ACSM2A: variants seen among roughly 807,000 people sequenced by gnomAD.
ACSM2A encodes the protein acyl-coenzyme A synthetase ACSM2A, mitochondrial.
In ACSM2A, 72 loss-of-function variants were observed where a neutral mutation model predicts 76.6. The ratio of observed to expected loss-of-function variants is 0.94; its 90% CI spans 0.78 to 1.14. The LOEUF (loss-of-function observed/expected upper bound fraction) is 1.14, where lower values mean the gene tolerates loss of function less well. ACSM2A is among the 50% of genes most tolerant of loss of function. The pLI is 0.00. For missense variants in ACSM2A, 684 were observed against 708.5 expected, an observed-to-expected ratio of 0.97 and a Z score of 0.39; for synonymous variants, 249 against 255.9, an observed-to-expected ratio of 0.97 and a Z score of 0.26.
chr16:20,486,100 A>C (rs558322274), intron 13 of ACSM2A, among the ~76,000 whole-genome samples: 113 of 152,370 alleles, frequency 7.4e-4, no homozygotes, highest in African/African-American at 2.4e-3. Context: ...CCAGATTAAT[A>C]ACCACAGCTA....
chr16:20,473,196 A>G (rs2013523406), intron 6 of ACSM2A, among the ~76,000 whole-genome samples: 1 of 152,226 alleles, frequency 6.6e-6, no homozygotes, highest in Admixed American at 6.5e-5. Flanking sequence ...TGACATCTTC[A>G]AAAGTCAAAA....
chr16:20,482,630 G>C (rs2014149097), intron 12 of ACSM2A: 1 of 166,762 alleles, frequency 6.0e-6, no homozygotes, highest in Non-Finnish European at 1.3e-5. Flanking sequence ...CCAGCTCTGA[G>C]CTAGCCCTGC....
rs145360163 is a variant in ACSM2A at position 20,487,061 on chromosome 16, A to T, written c.*383A>T. The T allele has an allele frequency of 1.1e-3, 182 of 161,726 alleles. 3 individuals carry two copies. In the East Asian group the frequency reaches 0.028, roughly 25 times the overall value. The allele number at this position is 161,726 out of a possible 1,614,324, so 10.0% of individuals were successfully genotyped here. On this transcript the variant is annotated 3_prime_UTR_variant, in exon 14 of 14. Transcript: ENST00000573854. ...TAGAAGAAAAATAATTGAAGGGAGA[A>T]TCAGAAAAATAAAGAGCAGAAAGGA...
At chr16:20,468,602 C>T (rs2013161111) in intron 3 of ACSM2A, among the ~76,000 whole-genome samples, 1 of 152,154 alleles carries the variant, frequency 6.6e-6, no homozygotes, top group African/African-American at 2.4e-5. Flanking sequence ...TCTAATAATC[C>T]ACCCTCCTTG....
chr16:20,456,569 A>C, intron 1 of ACSM2A, among the ~76,000 whole-genome samples: 1 of 151,870 alleles, frequency 6.6e-6, no homozygotes, highest in Non-Finnish European at 1.5e-5. Context: ...CAACAATGAA[A>C]TCAAGATGGA....
At chr16:20,462,698 G>C (rs372334681) in intron 2 of ACSM2A, among the ~76,000 whole-genome samples, 12 of 152,068 alleles carry the variant, frequency 7.9e-5, no homozygotes, top group Non-Finnish European at 1.6e-4. Context: ...ATAAAACAGA[G>C]AAATTAGAAC....
At chr16:20,481,826 C>T (rs1352855372) in intron 12 of ACSM2A, 1 of 130,354 alleles carries the variant, frequency 7.7e-6, no homozygotes, top group Non-Finnish European at 1.7e-5. Flanking sequence ...CAAAATGTCA[C>T]TTGTACCCAA....
chr16:20,452,440 T>G (rs1013683106), intron 1 of ACSM2A: 3 of 134,664 alleles, frequency 2.2e-5, no homozygotes, highest in African/African-American at 9.1e-5. Flanking sequence ...AGCCTGCAGA[T>G]GGCCTATTGT....
At chr16:20,482,983 A>G (rs999965318) in intron 12 of ACSM2A, 75 bp from the exon 13 acceptor site, 1 of 1,577,750 alleles carries the variant, frequency 6.3e-7, no homozygotes, top group South Asian at 1.1e-5. Flanking sequence ...GGAAGTCTTA[A>G]TGCCAATTTC....
At chr16:20,458,932 AC>A (rs2012429706) in intron 1 of ACSM2A, among the ~76,000 whole-genome samples, 1 of 56,968 alleles carries the variant, frequency 1.8e-5, no homozygotes, top group Non-Finnish European at 3.0e-5. Flanking sequence ...ATATATATAT[AC>A]ATATATATAT....
chr16:20,458,904 G>GTATATA (rs1567356709), intron 1 of ACSM2A, among the ~76,000 whole-genome samples: 78 of 27,368 alleles, frequency 2.9e-3, no homozygotes, highest in African/African-American at 0.023. Flanking sequence ...ATATATATAT[G>GTATATA]CATATATATA....
chr16:20,477,616 G>T (rs1386675654), intron 9 of ACSM2A, among the ~76,000 whole-genome samples, 167 bp downstream of exon 9: 1 of 152,022 alleles, frequency 6.6e-6, no homozygotes, highest in African/African-American at 2.4e-5. Flanking sequence ...AGTGAGGGAA[G>T]GAAGGAGGAA....
At chr16:20,458,919 T>C (rs1208289265) in intron 1 of ACSM2A, among the ~76,000 whole-genome samples, 3,257 of 70,200 alleles carry the variant, frequency 0.046, 154 homozygotes, top group African/African-American at 0.22. Flanking sequence ...TATATATATA[T>C]ATATATATAT....
chr16:20,467,598 C>T (rs183002583), intron 3 of ACSM2A, among the ~76,000 whole-genome samples: 12 of 151,882 alleles, frequency 7.9e-5, no homozygotes, highest in East Asian at 7.7e-4. Context: ...AAAGGAGATG[C>T]GAGGGAGAGA....
chr16:20,479,431 A>G (rs893982786), intron 10 of ACSM2A, among the ~76,000 whole-genome samples: 1 of 152,110 alleles, frequency 6.6e-6, no homozygotes, highest in African/African-American at 2.4e-5. Flanking sequence ...CCACCCTATA[A>G]AGTTTTTGGA....
At position 20,480,874 on chromosome 16, in the gene ACSM2A, G is replaced by A. The variant is rs755110605; in HGVS notation, c.1462G>A (p.Val488Met). ...GAATGCACTGATGGAGCACCCTGCT[G>A]TGGTTGAGACGGCTGTGATCAGCAG... Reference protein sequence around the residue: ...VENALMEHPAVVETAVISSPD... With the variant: ...VENALMEHPAMVETAVISSPD... Residue 488 changes from valine (V) to methionine (M), a missense_variant, in exon 12 of 14, where the codon GTG becomes ATG. Around this residue, in one of 3 missense-constraint regions of ACSM2A, gnomAD observed 159 missense variants for 132.5 expected, o/e 1.20. Coordinates refer to ENST00000573854, the MANE Select transcript of ACSM2A (RefSeq NM_001308172.2). The A allele has an allele frequency of 6.2e-7, 1 of 1,613,862 alleles. No individual in the cohort carries two copies. Among genetic ancestry groups the A allele is most frequent in the African/African-American group, 1.3e-5 (1 of 74,904 alleles).
At position 20,483,466 on chromosome 16, in the gene ACSM2A, A is replaced by C. The variant is rs1423873440; in HGVS notation, c.1629+289A>C. On this transcript the variant is annotated intron_variant, in intron 13 of 13. Transcript: ENST00000573854. The stretch of plus-strand genomic sequence containing the variant: ...GTGCCTGTAATCCCAGCTACTCAGG[A>C]GGCTGAGGCATGAGAATCACTTGAA... 9.7e-5 allele frequency among the ~76,000 whole-genome samples: 14 copies of C among 144,102 alleles called. No individual in the cohort carries two copies. The South Asian group carries it at 3.0e-3, about 31-fold the overall frequency. 94.5% of individuals were successfully genotyped at this position (144,102 alleles called of 152,430 possible).
chr16:20,470,842 A>C (rs1327403633), intron 4 of ACSM2A: 2 of 705,272 alleles, frequency 2.8e-6, no homozygotes, highest in Non-Finnish European at 5.1e-6. Flanking sequence ...AGAGACGTTA[A>C]ATAAGTAGTT....
intron 10 of ACSM2A, among the ~76,000 whole-genome samples, chr16:20,479,022 C>T (rs1373607962): frequency 4.6e-5 from 7 of 152,228 alleles, no homozygotes; most frequent in African/African-American, 1.4e-4. Flanking sequence ...GTATCATCCC[C>T]ATGCTCTATG....
Sources: allele counts gnomAD v4.1 joint callset (sites outside exome capture counted in the v4.1 genomes callset), GRCh38; gene constraint gnomAD v4.1.1; regional missense constraint gnomAD v4.1.1; transcripts MANE v1.5; gene names NCBI Gene and HGNC (gene_info 2026-07-23, HGNC 2026-07-21).